The following DGKI variants were observed in gnomAD, a reference collection of about 807,000 sequenced individuals.
DGKI encodes the protein diacylglycerol kinase iota.
In DGKI, 55 loss-of-function variants were observed where a neutral mutation model predicts 147.5. That is an observed-to-expected ratio of 0.37 (90% CI 0.30 to 0.47). DGKI has a LOEUF of 0.47. Among genes scored for constraint, DGKI ranks in the 20% least tolerant of loss-of-function variants. The pLI is 1.00. For synonymous variants in DGKI, 469 were observed against 477.1 expected (o/e 0.98, Z 0.22); for missense variants, 1,007 against 1,323.8 (o/e 0.76, Z 3.71).
chr7:137,732,804 C>T, intron 1 of DGKI, among the ~76,000 whole-genome samples: 1 of 152,056 alleles, frequency 6.6e-6, no homozygotes, highest in African/African-American at 2.4e-5. Context: ...CCCCGCCCCA[C>T]ATAGTCTCCA....
At chr7:137,517,325 AAGAAAGAAAGAAAG>A (rs1370365809) in intron 21 of DGKI, among the ~76,000 whole-genome samples, 27 of 137,696 alleles carry the variant, frequency 2.0e-4, no homozygotes, top group Middle Eastern at 4.0e-3. Context: ...GAAAGAAAGA[AAGAAAGAAAGAAAG>A]AGAAAGAAAG....
rs373803445 is a variant in DGKI at position 137,391,180 on chromosome 7, T to G, written c.*40A>C. 6.8e-7 allele frequency: 1 copy of G among 1,473,328 alleles called. No individual in the cohort carries two copies. The highest frequency in any genetic ancestry group is 9.5e-7 in the Non-Finnish European group (1 of 1,052,706). 91.3% of individuals were successfully genotyped at this position (1,473,328 alleles called of 1,614,324 possible). On this transcript the variant is annotated 3_prime_UTR_variant, in exon 33 of 33. Coordinates refer to ENST00000614521, the MANE Select transcript of DGKI (RefSeq NM_001321708.2). Reference sequence around the variant, plus strand: ...TGCCCAATTGCAGGGAGGGCAGATGTGATACGCTTGCTCATGTCCTCTTTG... The same window carrying G: ...TGCCCAATTGCAGGGAGGGCAGATGGGATACGCTTGCTCATGTCCTCTTTG...
chr7:137,686,353 T>C (rs1823415869), intron 2 of DGKI, among the ~76,000 whole-genome samples: 2 of 152,190 alleles, frequency 1.3e-5, no homozygotes, highest in Non-Finnish European at 2.9e-5. Flanking sequence ...GACTCAGGCA[T>C]CATACTGAAG....
intron 28 of DGKI, among the ~76,000 whole-genome samples, chr7:137,417,970 A>T (rs1812421126): frequency 6.6e-6 from 1 of 152,208 alleles, no homozygotes; most frequent in Non-Finnish European, 1.5e-5. Flanking sequence ...AACATGATCC[A>T]GTCTAAGATA....
At chr7:137,811,370 TCTCTCTCTCTCTCTCACACACA>T (rs1797568676) in intron 1 of DGKI, among the ~76,000 whole-genome samples, 1 of 100,306 alleles carries the variant, frequency 1.0e-5, no homozygotes, top group Non-Finnish European at 2.2e-5. Context: ...TCTCCCTCTC[TCTCTCTCTCTCTCTCACACACA>T]CACACACACA....
intron 21 of DGKI, among the ~76,000 whole-genome samples, chr7:137,493,492 GATGA>G (rs1815847611): frequency 6.6e-6 from 1 of 152,316 alleles, no homozygotes; most frequent in African/African-American, 2.4e-5. Context: ...AGGAGCCAGA[GATGA>G]AAGCAGGGGG....
At chr7:137,841,675 C>A (rs1296733842) in intron 1 of DGKI, among the ~76,000 whole-genome samples, 1 of 152,178 alleles carries the variant, frequency 6.6e-6, no homozygotes, top group Non-Finnish European at 1.5e-5. Flanking sequence ...TTCAAGGATA[C>A]CTTGGGGTTG....
chr7:137,837,128 C>T (rs1198378588), intron 1 of DGKI, among the ~76,000 whole-genome samples: 2 of 152,226 alleles, frequency 1.3e-5, no homozygotes, highest in Non-Finnish European at 2.9e-5. Context: ...AACTCTAAGC[C>T]TCAATGTCCT....
intron 3 of DGKI, among the ~76,000 whole-genome samples, chr7:137,673,427 T>A (rs1822922812): frequency 6.6e-6 from 1 of 152,202 alleles, no homozygotes; most frequent in Non-Finnish European, 1.5e-5. Context: ...TCCCTAGAGA[T>A]CCTGATGTGG....
chr7:137,529,715 G>A (rs544783795), intron 20 of DGKI, among the ~76,000 whole-genome samples: 6 of 152,256 alleles, frequency 3.9e-5, no homozygotes, highest in East Asian at 3.9e-4. Flanking sequence ...TTACTGGCTC[G>A]TTGATCCAAT....
chr7:137,582,872 T>G (rs1585254281), intron 14 of DGKI, among the ~76,000 whole-genome samples: 1 of 152,110 alleles, frequency 6.6e-6, no homozygotes, highest in South Asian at 2.1e-4. Flanking sequence ...AAGTGGAAGG[T>G]AAATATTAAA....
intron 1 of DGKI, among the ~76,000 whole-genome samples, chr7:137,718,027 A>T (rs1220353735): frequency 1.3e-5 from 2 of 152,178 alleles, no homozygotes; most frequent in Non-Finnish European, 2.9e-5. Context: ...GAATGTGCTT[A>T]GAGTGCCGTC....
At chr7:137,472,582 T>C (rs1215760588) in intron 23 of DGKI, among the ~76,000 whole-genome samples, 2 of 150,532 alleles carry the variant, frequency 1.3e-5, no homozygotes, top group African/African-American at 2.4e-5. Flanking sequence ...TAACTATTTA[T>C]ATGAGAATTA....
intron 25 of DGKI, 42 bp downstream of exon 25, chr7:137,466,860 G>A (rs1424882432): frequency 1.2e-6 from 2 of 1,602,232 alleles, no homozygotes; most frequent in Non-Finnish European, 1.7e-6. Context: ...ACATTAACTT[G>A]GGAATTTTTC....
chr7:137,398,010 C>A (rs1156974388), intron 30 of DGKI, among the ~76,000 whole-genome samples: 1 of 152,168 alleles, frequency 6.6e-6, no homozygotes, highest in Non-Finnish European at 1.5e-5. Flanking sequence ...ATTCAATCTA[C>A]AAACACTGCT....
intron 1 of DGKI, among the ~76,000 whole-genome samples, chr7:137,728,019 T>C (rs2116647914): frequency 6.6e-6 from 1 of 152,150 alleles, no homozygotes. Context: ...AAGTTTGGAG[T>C]GAGAAACAAA....
At chr7:137,796,985 C>T (rs1194315557) in intron 1 of DGKI, among the ~76,000 whole-genome samples, 1 of 152,128 alleles carries the variant, frequency 6.6e-6, no homozygotes, top group Non-Finnish European at 1.5e-5. Flanking sequence ...GTAGGATAAA[C>T]TCAGAAATTC....
intron 28 of DGKI, among the ~76,000 whole-genome samples, chr7:137,414,812 G>A (rs548250049): frequency 1.3e-4 from 20 of 152,122 alleles, no homozygotes; most frequent in East Asian, 1.9e-4. Flanking sequence ...AATTCTAATC[G>A]CTACAATTTA....
chr7:137,685,252 C>A (rs1291528936), intron 2 of DGKI, among the ~76,000 whole-genome samples: 1 of 152,126 alleles, frequency 6.6e-6, no homozygotes, highest in African/African-American at 2.4e-5. Flanking sequence ...AGAAAGTTTG[C>A]CAATGAGGAA....
Sources: allele counts gnomAD v4.1 joint callset (sites outside exome capture counted in the v4.1 genomes callset), GRCh38; gene constraint gnomAD v4.1.1; transcripts MANE v1.5; gene names NCBI Gene and HGNC (gene_info 2026-07-23, HGNC 2026-07-21).